NBPF26: variants seen among roughly 807,000 people sequenced by gnomAD.
NBPF26 encodes NBPF family member NBPF26.
NBPF26 carries 79 observed loss-of-function variants against 119.6 expected under a neutral mutation model. That is an observed-to-expected ratio of 0.66 (90% CI 0.55 to 0.80). NBPF26 has a LOEUF of 0.80. NBPF26 is among the 30% of genes least tolerant of loss of function. NBPF26 has a pLI of 0.00. For synonymous variants in NBPF26, 299 were observed against 457.7 expected (o/e 0.65, Z 4.43); for missense variants, 800 against 1,198.2 (o/e 0.67, Z 4.91).
chr1:120,811,579 C>T lies in NBPF26; in HGVS notation c.1565-307C>T, dbSNP rs1399109953. 1.3e-3 allele frequency among the ~76,000 whole-genome samples: 150 copies of T among 112,538 alleles called. 57 individuals are homozygous for T. Among genetic ancestry groups the T allele is most frequent in the African/African-American group, 6.9e-3 (135 of 19,548 alleles). 73.8% of individuals were successfully genotyped at this position (112,538 alleles called of 152,430 possible). ...AACCAAAAAAGAAAATTAAGCAAAACGAAATCTTTTGTGCTACACAGAAAC... is the reference window on the plus strand; with the variant it reads ...AACCAAAAAAGAAAATTAAGCAAAATGAAATCTTTTGTGCTACACAGAAAC... On this transcript the variant is annotated intron_variant, in intron 9 of 29. Coordinates refer to ENST00000620612, the Ensembl canonical transcript of NBPF26.
At position 120,769,640 on chromosome 1, in the gene NBPF26, G is replaced by A. The variant is rs1461617491; in HGVS notation, c.155+5931G>A. ...TTTTCTTAAAATGTAATGTGTTCAG[G>A]TTTTATTAATTCAAGAGTTATTTAT... On this transcript the variant is annotated intron_variant, in intron 2 of 29. Transcript: ENST00000620612. Among the ~76,000 whole-genome samples, 7 of 121,278 alleles carry A rather than the reference G, an allele frequency of 5.8e-5. 3 individuals are homozygous for A. Among genetic ancestry groups the A allele is most frequent in the African/African-American group, 3.1e-4 (7 of 22,906 alleles). The allele number at this position is 121,278 out of a possible 152,430, so 79.6% of individuals were successfully genotyped here. A position where few individuals can be genotyped will look rare whatever the true frequency, so the allele number is the denominator to read the frequency against.
At chr1:120,728,829 C>G (rs1650844401) in intron 1 of NBPF26, among the ~76,000 whole-genome samples, 1 of 103,090 alleles carries the variant, frequency 9.7e-6, no homozygotes, top group Non-Finnish European at 1.8e-5. Context: ...TTTTTTTGAA[C>G]CAAGAGAGTC....
exon 17 of NBPF26, chr1:120,823,323 C>G: frequency 7.1e-7 from 1 of 1,414,284 alleles, no homozygotes; most frequent in South Asian, 1.2e-5. Flanking sequence ...TCGGTGGGAT[C>G]AAGTGAAAAA....
chr1:120,817,934 G>C (rs1457297259), intron 14 of NBPF26, among the ~76,000 whole-genome samples, 189 bp from the exon 15 acceptor site: 1 of 116,204 alleles, frequency 8.6e-6, no homozygotes, highest in Non-Finnish European at 1.6e-5. Flanking sequence ...ATTTTGGCCT[G>C]TGGGTCTGGA....
In NBPF26 at chr1:120,781,860, GCT is replaced by G. The variant is rs1651366027; in HGVS notation, c.156-3113_156-3112del. Among the ~76,000 whole-genome samples the G allele has an allele frequency of 1.7e-5, 2 of 116,932 alleles. 1 individual carries two copies. Among genetic ancestry groups the G allele is most frequent in the Non-Finnish European group, 3.3e-5 (2 of 60,778 alleles). The allele number at this position is 116,932 out of a possible 152,430, so 76.7% of individuals were successfully genotyped here. A position where few individuals can be genotyped will look rare whatever the true frequency, so the allele number is the denominator to read the frequency against. On this transcript the variant is annotated intron_variant, in intron 2 of 29. Coordinates refer to ENST00000620612, the Ensembl canonical transcript of NBPF26. ...GGTGTGAGCCACCGCACCTGGCTTAGCTGTAAAATCTTAATCTTTCTAAGCTT... is the reference window on the plus strand; with the variant it reads ...GGTGTGAGCCACCGCACCTGGCTTAGGTAAAATCTTAATCTTTCTAAGCTT...
chr1:120,770,420 C>T lies in NBPF26; in HGVS notation c.155+6711C>T, dbSNP rs1354829099. ...TCCTGACCTCATGATCTGCCCGCCT[C>T]GGCCTCCCAAAGTGCTGGGATTACA... On this transcript the variant is annotated intron_variant, in intron 2 of 29. Coordinates refer to ENST00000620612, the Ensembl canonical transcript of NBPF26. 5.4e-5 allele frequency among the ~76,000 whole-genome samples: 6 copies of T among 111,624 alleles called. 1 individual carries two copies. Among genetic ancestry groups the T allele is most frequent in the Non-Finnish European group, 1.0e-4 (6 of 59,556 alleles). 73.2% of individuals were successfully genotyped at this position (111,624 alleles called of 152,430 possible).
chr1:120,805,565 C>G (rs1651661711), exon 5 of NBPF26: 2 of 1,421,032 alleles, frequency 1.4e-6, no homozygotes, highest in Middle Eastern at 2.4e-4. Context: ...GTCCCTGACT[C>G]CACCTCTTCT....
chr1:120,793,328 G>A lies in NBPF26; in HGVS notation c.583G>A (p.Gly195Ser). The A allele has an allele frequency of 5.7e-6, 8 of 1,405,028 alleles. 1 individual carries two copies. The highest frequency in any genetic ancestry group is 7.6e-6 in the Non-Finnish European group (8 of 1,047,106). 87.0% of individuals were successfully genotyped at this position (1,405,028 alleles called of 1,614,324 possible). The change falls in exon 4 of 30, where the codon GGT (glycine) becomes AGT (serine). Residue 195 changes from glycine to serine, a missense_variant. By Grantham distance (56) the Gly-to-Ser change is moderately conservative. Transcript: ENST00000620612. ...TGACATTCCAGGACACTGCCAGCAT[G>A]GTGGCACCTGCCTCAACCTGCCTGG...
At chr1:120,727,326 T>C in intron 1 of NBPF26, among the ~76,000 whole-genome samples, 1 of 108,478 alleles carries the variant, frequency 9.2e-6, no homozygotes, top group South Asian at 2.7e-4. Flanking sequence ...GTGTATGAGG[T>C]CTTTCTAAAT....
At chr1:120,822,424 C>T (rs1652138390) in intron 16 of NBPF26, among the ~76,000 whole-genome samples, 157 bp downstream of exon 16, 1 of 76,490 alleles carries the variant, frequency 1.3e-5, no homozygotes, top group Non-Finnish European at 2.3e-5. Flanking sequence ...GGAGTCGAGT[C>T]TGAAGCACAG....
intron 4 of NBPF26, among the ~76,000 whole-genome samples, chr1:120,804,876 G>A (rs1374845709): frequency 8.3e-6 from 1 of 120,210 alleles, no homozygotes; most frequent in Non-Finnish European, 1.6e-5. Context: ...TCACTTTCTA[G>A]TGGATACAGA....
chr1:120,804,564 A>G (rs1651631255), intron 4 of NBPF26, among the ~76,000 whole-genome samples: 1 of 111,990 alleles, frequency 8.9e-6, no homozygotes, highest in South Asian at 2.6e-4. Context: ...ATGGTCACAC[A>G]TGTTTTCAGG....
intron 4 of NBPF26, among the ~76,000 whole-genome samples, chr1:120,794,223 A>T (rs1173099272): frequency 8.7e-6 from 1 of 115,358 alleles, no homozygotes; most frequent in Non-Finnish European, 1.7e-5. Flanking sequence ...AAAGATAGAA[A>T]TAAAAAGAGG....
Position 120,805,352 on chromosome 1 carries a change from C to A in NBPF26, c.752-204C>A, listed in dbSNP as rs1400481841. 15 of 1,053,074 alleles carry A rather than the reference C, an allele frequency of 1.4e-5. 4 individuals carry two copies. Among genetic ancestry groups the A allele is most frequent in the Non-Finnish European group, 2.0e-5 (15 of 748,216 alleles). The allele number at this position is 1,053,074 out of a possible 1,614,324, so 65.2% of individuals were successfully genotyped here. A position where few individuals can be genotyped will look rare whatever the true frequency, so the allele number is the denominator to read the frequency against. ...TGCCTCACTCTTATCAGAGTCTGAGCTACTGGCAGTGCTTTCAGCTCTGAG... is the reference window on the plus strand; with the variant it reads ...TGCCTCACTCTTATCAGAGTCTGAGATACTGGCAGTGCTTTCAGCTCTGAG... On this transcript the variant is annotated intron_variant, in intron 4 of 29. Transcript: ENST00000620612.
At chr1:120,762,441 G>A (rs1403315030) in intron 1 of NBPF26, among the ~76,000 whole-genome samples, 60,288 of 88,698 alleles carry the variant, frequency 0.68, 23,951 homozygotes, top group Non-Finnish European at 0.74. Flanking sequence ...TACTGGTTTC[G>A]TGGCCAGGGA....
Position 120,813,877 on chromosome 1 carries a change from C to CT in NBPF26, c.1775-13dup, listed in dbSNP as rs1651937538. On this transcript the variant is annotated splice_polypyrimidine_tract_variant and intron_variant, in intron 10 of 29. Transcript: ENST00000620612. ...CAGCCTTCCACTGAGGCAGGTGTGTCTGTCTTTTCTCAGAATATGAAGAGT... is the reference window on the plus strand; with the variant it reads ...CAGCCTTCCACTGAGGCAGGTGTGTCTTGTCTTTTCTCAGAATATGAAGAGT... 1 of 1,464,232 alleles carries CT rather than the reference C, an allele frequency of 6.8e-7. No individual in the cohort carries two copies. Among genetic ancestry groups the CT allele is most frequent in the Non-Finnish European group, 9.3e-7 (1 of 1,080,400 alleles). The allele number at this position is 1,464,232 out of a possible 1,614,324, so 90.7% of individuals were successfully genotyped here.
At chr1:120,755,933 C>CTTTTTTT (rs1168463033) in intron 1 of NBPF26, among the ~76,000 whole-genome samples, 1 of 87,258 alleles carries the variant, frequency 1.1e-5, no homozygotes, top group Non-Finnish European at 2.0e-5. Context: ...TCTCTTATTG[C>CTTTTTTT]TTTTTTTTTT....
chr1:120,811,845 C>T lies in NBPF26; in HGVS notation c.1565-41C>T. 1.4e-5 allele frequency: 10 copies of T among 733,892 alleles called. 2 individuals are homozygous for T. In the South Asian group the frequency reaches 1.5e-4, roughly 11 times the overall value. 45.5% of individuals were successfully genotyped at this position (733,892 alleles called of 1,614,324 possible). A position where few individuals can be genotyped will look rare whatever the true frequency, so the allele number is the denominator to read the frequency against. On this transcript the variant is annotated intron_variant, in intron 9 of 29. Coordinates refer to ENST00000620612, the Ensembl canonical transcript of NBPF26. ...CCTGATTAAGCCTATTTGATTTCAC[C>T]AGTTTTTAACCCATCATGTGTTTGC...
At position 120,733,179 on chromosome 1, in the gene NBPF26, CATAAT is replaced by C. The variant is rs1650882735; in HGVS notation, c.73+8933_73+8937del. ...ACATATATATATATATGCACACACA[CATAAT>C]ATACTATTGTCAACACTAGGTTTTA... On this transcript the variant is annotated intron_variant, in intron 1 of 29. Transcript: ENST00000620612. 2.8e-5 allele frequency among the ~76,000 whole-genome samples: 3 copies of C among 106,412 alleles called. 1 individual carries two copies. The highest frequency in any genetic ancestry group is 5.2e-5 in the Non-Finnish European group (3 of 57,838). The allele number at this position is 106,412 out of a possible 152,430, so 69.8% of individuals were successfully genotyped here.
Sources: gnomAD v4.1 joint callset for allele counts (sites outside exome capture counted in the v4.1 genomes callset) on GRCh38, gnomAD v4.1.1 for gene constraint, MANE v1.5 for transcripts, NCBI Gene and HGNC (gene_info 2026-07-23, HGNC 2026-07-21) for gene names.